Variants in DLC1 observed in about 807,000 individuals in gnomAD.
DLC1 encodes rho GTPase-activating protein 7.
A neutral mutation model predicts 140.3 loss-of-function variants in DLC1; 54 were observed. The ratio of observed to expected loss-of-function variants is 0.38; its 90% CI spans 0.31 to 0.48. DLC1 has a LOEUF of 0.48. Among genes scored for constraint, DLC1 ranks in the 20% least tolerant of loss-of-function variants. DLC1 has a pLI of 0.96. For missense variants in DLC1, 2,536 were observed against 1,907.0 expected, an observed-to-expected ratio of 1.33 and a Z score of -6.14; for synonymous variants, 986 against 728.1, an observed-to-expected ratio of 1.35 and a Z score of -5.70.
intron 1 of DLC1, among the ~76,000 whole-genome samples, chr8:13,533,018 C>T (rs1032349779): frequency 1.3e-5 from 2 of 152,102 alleles, no homozygotes; most frequent in African/African-American, 2.4e-5. Context: ...AAATTTGGAA[C>T]TAGCCTGTGG....
chr8:13,350,299 A>G (rs1267661624), intron 4 of DLC1, among the ~76,000 whole-genome samples: 1 of 150,838 alleles, frequency 6.6e-6, no homozygotes, highest in Non-Finnish European at 1.5e-5. Context: ...CCTCAGGTTT[A>G]TCATTTTTTT....
intron 2 of DLC1, among the ~76,000 whole-genome samples, chr8:13,452,460 A>G (rs1799110417): frequency 6.6e-6 from 1 of 152,290 alleles, no homozygotes; most frequent in East Asian, 1.9e-4. Flanking sequence ...CCTCATGCCC[A>G]AATCTATAAT....
chr8:13,449,849 C>A (rs182930322), intron 2 of DLC1, among the ~76,000 whole-genome samples: 3 of 152,036 alleles, frequency 2.0e-5, no homozygotes, highest in Admixed American at 2.0e-4. Flanking sequence ...CATTTTGCAT[C>A]TTGGTGGCAG....
intron 5 of DLC1, among the ~76,000 whole-genome samples, chr8:13,117,389 G>T (rs1477464689): frequency 2.0e-5 from 3 of 151,904 alleles, no homozygotes; most frequent in Non-Finnish European, 4.4e-5. Flanking sequence ...GAGGTGGGAG[G>T]ATTGCTTCAG....
chr8:13,270,800 C>G (rs1044691635), intron 5 of DLC1, among the ~76,000 whole-genome samples: 1 of 152,076 alleles, frequency 6.6e-6, no homozygotes, highest in Non-Finnish European at 1.5e-5. Flanking sequence ...ATAGAGGTGT[C>G]ATGCTAACAA....
At chr8:13,351,183 T>G (rs537486585) in intron 4 of DLC1, among the ~76,000 whole-genome samples, 33 of 152,244 alleles carry the variant, frequency 2.2e-4, no homozygotes, top group Non-Finnish European at 4.8e-4. Context: ...GTATAGTATC[T>G]GTTCTATACA....
intron 5 of DLC1, among the ~76,000 whole-genome samples, chr8:13,290,229 A>G (rs1313611908): frequency 2.0e-5 from 3 of 152,202 alleles, no homozygotes; most frequent in Non-Finnish European, 4.4e-5. Context: ...AATGAAATGC[A>G]TGTAGAGGAA....
chr8:13,091,775 T>A (rs545077043), intron 13 of DLC1, among the ~76,000 whole-genome samples: 1 of 151,996 alleles, frequency 6.6e-6, no homozygotes, highest in East Asian at 1.9e-4. Context: ...TCCCAGGGAG[T>A]TGGAGTAAAG....
At chr8:13,385,118 G>A (rs537020244) in intron 4 of DLC1, among the ~76,000 whole-genome samples, 13 of 152,062 alleles carry the variant, frequency 8.5e-5, no homozygotes, top group Admixed American at 3.9e-4. Context: ...TGGTGGGAGC[G>A]GCCCTGATTT....
At chr8:13,546,784 G>A (rs78582208) in intron 1 of DLC1, among the ~76,000 whole-genome samples, 5,509 of 152,090 alleles carry the variant, frequency 0.036, 322 homozygotes, top group African/African-American at 0.12. Flanking sequence ...CCCAGATTTA[G>A]ACTTCTTTCT....
intron 5 of DLC1, among the ~76,000 whole-genome samples, chr8:13,225,836 G>C (rs148248999): frequency 0.018 from 2,795 of 152,030 alleles, 95 homozygotes; most frequent in African/African-American, 0.063. Context: ...AGGATGGTTT[G>C]GATCTCCTGA....
At chr8:13,255,133 C>G (rs1363427676) in intron 5 of DLC1, among the ~76,000 whole-genome samples, 2 of 152,028 alleles carry the variant, frequency 1.3e-5, no homozygotes, top group Non-Finnish European at 2.9e-5. Context: ...CGTGCCACCA[C>G]GCCCAGCTAA....
In DLC1 at chr8:13,305,269, C is replaced by T. The variant is rs757299462; in HGVS notation, c.1348G>A (p.Glu450Lys). ...AAACAGAACCAAAATGTCAACTTAC[C>T]AGCCTTTTCCTTCTCTGAAATACCT... ...IQGISEKEKA[E>K]IEAKEACDWL... Residue 450 changes from glutamate (E) to lysine (K), a missense_variant and splice_region_variant, in exon 5 of 18, where the codon GAA (glutamate) becomes AAA (lysine). By Grantham distance (56) the Glu-to-Lys change is moderately conservative. Coordinates refer to ENST00000276297, the MANE Select transcript of DLC1 (RefSeq NM_182643.3). 2.5e-6 allele frequency: 4 copies of T among 1,604,048 alleles called. No individual in the cohort carries two copies. The highest frequency in any genetic ancestry group is 3.4e-6 in the Non-Finnish European group (4 of 1,175,074).
chr8:13,417,091 T>G (rs2117326220), intron 2 of DLC1, among the ~76,000 whole-genome samples: 1 of 152,294 alleles, frequency 6.6e-6, no homozygotes, highest in Admixed American at 6.5e-5. Flanking sequence ...CAATTATTTC[T>G]AATCAGATGA....
intron 5 of DLC1, among the ~76,000 whole-genome samples, chr8:13,173,368 CTT>C (rs35778236): frequency 0.11 from 11,477 of 102,682 alleles, 174 homozygotes; most frequent in South Asian, 0.18. Flanking sequence ...GTTCTGCCCT[CTT>C]TTTTTTTTTT....
chr8:13,453,128 T>G (rs1799145016), intron 2 of DLC1, among the ~76,000 whole-genome samples: 1 of 151,446 alleles, frequency 6.6e-6, no homozygotes, highest in African/African-American at 2.4e-5. Flanking sequence ...TTCAGCATTT[T>G]CATCAGGATC....
intron 3 of DLC1, among the ~76,000 whole-genome samples, chr8:13,400,522 A>AATTGTTAT (rs1260539830): frequency 6.6e-6 from 1 of 152,196 alleles, no homozygotes; most frequent in East Asian, 1.9e-4. Flanking sequence ...CAGAGCTAAC[A>AATTGTTAT]ATTGTTATAT....
At chr8:13,457,803 G>C (rs1483464611) in intron 2 of DLC1, among the ~76,000 whole-genome samples, 1 of 151,846 alleles carries the variant, frequency 6.6e-6, no homozygotes, top group Non-Finnish European at 1.5e-5. Context: ...GCCCCACCAA[G>C]GTAGCATCAA....
At chr8:13,453,387 G>GATATATATATATATGTGTATATATAT (rs1554522997) in intron 2 of DLC1, among the ~76,000 whole-genome samples, 33 of 52,444 alleles carry the variant, frequency 6.3e-4, no homozygotes, top group African/African-American at 1.6e-3. Flanking sequence ...GATGGCCCAG[G>GATATATATATATATGTGTATATATAT]ATATATATAT....
Sources: gnomAD v4.1 joint callset for allele counts (sites outside exome capture counted in the v4.1 genomes callset) on GRCh38, gnomAD v4.1.1 for gene constraint, MANE v1.5 for transcripts, NCBI Gene and HGNC (gene_info 2026-07-23, HGNC 2026-07-21) for gene names.